YES1: variants seen among roughly 807,000 people sequenced by gnomAD.
The protein encoded by YES1 is tyrosine-protein kinase Yes.
Under a neutral mutation model 70.4 loss-of-function variants are expected in YES1, and 39 were observed. The observed-to-expected ratio is 0.55, with a 90% CI of 0.43 to 0.72. The LOEUF is 0.72. Ranked by LOEUF, YES1 falls within the 30% of genes least tolerant of loss-of-function variation. The probability of loss-of-function intolerance (pLI) is 0.00; values close to 1 mark genes in which losing one functional copy is unlikely to be tolerated. For synonymous variants in YES1, 198 were observed against 218.6 expected, an observed-to-expected ratio of 0.91 and a Z score of 0.83; for missense variants, 495 against 644.8, an observed-to-expected ratio of 0.77 and a Z score of 2.52.
At chr18:783,100 G>T (rs527554846) in intron 1 of YES1, among the ~76,000 whole-genome samples, 1 of 151,748 alleles carries the variant, frequency 6.6e-6, no homozygotes, top group Non-Finnish European at 1.5e-5. Context: ...AAATTATATA[G>T]CCACTAGGTT....
intron 1 of YES1, among the ~76,000 whole-genome samples, chr18:803,305 C>G (rs1034532379): frequency 6.6e-6 from 1 of 152,140 alleles, no homozygotes; most frequent in Non-Finnish European, 1.5e-5. Flanking sequence ...TTCAAAGATT[C>G]AAGTCAAATG....
At chr18:806,938 T>C (rs1025694282) in intron 1 of YES1, among the ~76,000 whole-genome samples, 1 of 152,186 alleles carries the variant, frequency 6.6e-6, no homozygotes, top group African/African-American at 2.4e-5. Context: ...GTCAAAGGAA[T>C]ATCTCCAGAT....
intron 1 of YES1, chr18:797,866 GAT>G (rs769180619): frequency 1.3e-5 from 2 of 152,164 alleles, no homozygotes; most frequent in Non-Finnish European, 2.9e-5. Flanking sequence ...AGAACCTTGA[GAT>G]ATAATTCTTC....
chr18:759,790 A>G (rs2145749181), intron 1 of YES1, among the ~76,000 whole-genome samples: 1 of 152,116 alleles, frequency 6.6e-6, no homozygotes, highest in South Asian at 2.1e-4. Context: ...TACATGTGCC[A>G]TGTTGGTGTG....
At position 771,642 on chromosome 18, in the gene YES1, G is replaced by A. The variant is rs576446348; in HGVS notation, c.-8-14807C>T. The stretch of plus-strand genomic sequence containing the variant: ...CGACTCACTGAAGCCTAGACCTCCC[G>A]GTCTCAAACTATCCTCCCACCTCAG... On this transcript the variant is annotated intron_variant, in intron 1 of 11. Coordinates refer to ENST00000314574, the MANE Select transcript of YES1 (RefSeq NM_005433.4). Among the ~76,000 whole-genome samples, 28 of 152,136 alleles carry A rather than the reference G, an allele frequency of 1.8e-4. No individual in the cohort carries two copies. In the Middle Eastern group the frequency reaches 0.017, roughly 92 times the overall value.
chr18:764,037 A>G (rs374547232), intron 1 of YES1, among the ~76,000 whole-genome samples: 250 of 151,382 alleles, frequency 1.7e-3, no homozygotes, highest in African/African-American at 4.5e-3. Context: ...GGAGAATGGC[A>G]TGAACCCGGG....
intron 1 of YES1, among the ~76,000 whole-genome samples, chr18:769,839 T>C (rs1905077234): frequency 6.6e-6 from 1 of 152,218 alleles, no homozygotes; most frequent in South Asian, 2.1e-4. Context: ...TAAATATTTT[T>C]GTCTATGGTC....
At chr18:788,919 T>C (rs543003016) in intron 1 of YES1, among the ~76,000 whole-genome samples, 3 of 152,244 alleles carry the variant, frequency 2.0e-5, no homozygotes, top group South Asian at 4.1e-4. Flanking sequence ...GAGTTAAAGA[T>C]TGTCTCAAAC....
intron 2 of YES1, among the ~76,000 whole-genome samples, chr18:754,650 T>A (rs2080383046): frequency 6.6e-6 from 1 of 150,834 alleles, no homozygotes; most frequent in Non-Finnish European, 1.5e-5. Context: ...GGCAGAAGGT[T>A]GCAGTGAGCC....
intron 4 of YES1, 77 bp from the exon 5 acceptor site, chr18:746,128 A>G: frequency 1.9e-6 from 2 of 1,073,600 alleles, no homozygotes; most frequent in South Asian, 2.8e-5. Context: ...GTAAGAATGG[A>G]CTGGGATAGG....
intron 10 of YES1, among the ~76,000 whole-genome samples, chr18:733,185 A>G (rs927852031): frequency 2.0e-5 from 3 of 152,176 alleles, no homozygotes; most frequent in African/African-American, 4.8e-5. Flanking sequence ...GATATAAAAA[A>G]TAAGTTGGCT....
chr18:774,963 C>G (rs1905305099), intron 1 of YES1: 1 of 152,282 alleles, frequency 6.6e-6, no homozygotes, highest in African/African-American at 2.4e-5. Flanking sequence ...ACAGACCAAG[C>G]ATACTCCCAG....
Position 767,812 on chromosome 18 carries a change from T to C in YES1, c.-8-10977A>G, listed in dbSNP as rs535897454. ...ATCTCCTGGGTTCAAGTGATTCTCC[T>C]GCCTCAGCTTCCCAAGTAGCTGGGA... On this transcript the variant is annotated intron_variant, in intron 1 of 11. Coordinates refer to ENST00000314574, the MANE Select transcript of YES1 (RefSeq NM_005433.4). Among the ~76,000 whole-genome samples, 236 of 152,296 alleles carry C rather than the reference T, an allele frequency of 1.5e-3. 1 individual carries two copies. The highest frequency in any genetic ancestry group is 2.9e-3 in the Non-Finnish European group (199 of 68,012).
chr18:796,511 G>A (rs1906551808), intron 1 of YES1, among the ~76,000 whole-genome samples: 1 of 152,112 alleles, frequency 6.6e-6, no homozygotes, highest in African/African-American at 2.4e-5. Flanking sequence ...GGCTCACGCT[G>A]GTAATCTCAG....
chr18:735,939 G>A (rs1267796409), intron 10 of YES1: 1 of 152,500 alleles, frequency 6.6e-6, no homozygotes, highest in Non-Finnish European at 1.5e-5. Flanking sequence ...GGGAAGCCAA[G>A]GCAGGAGGAC....
At chr18:764,799 C>A (rs1904785129) in intron 1 of YES1, among the ~76,000 whole-genome samples, 1 of 151,948 alleles carries the variant, frequency 6.6e-6, no homozygotes, top group Admixed American at 6.6e-5. Flanking sequence ...GTGGCGCGAT[C>A]TCGACTCACT....
At chr18:804,220 A>G (rs1049521323) in intron 1 of YES1, among the ~76,000 whole-genome samples, 5 of 152,254 alleles carry the variant, frequency 3.3e-5, no homozygotes, top group Admixed American at 2.0e-4. Context: ...ATAATGTTGC[A>G]AAGTTTTTAT....
rs111542039 is a variant in YES1 at position 812,169 on chromosome 18, G to A, written c.-64C>T. ...TGCTACCGCAGCTCGAGGTGGCGGA[G>A]GGCGGAGGCGAGGCCCGCGGGCCCT... On this transcript the variant is annotated 5_prime_UTR_variant, in exon 1 of 12. Transcript: ENST00000314574. 14,916 of 152,692 alleles carry A rather than the reference G, an allele frequency of 0.098. 925 individuals carry two copies. Among genetic ancestry groups the A allele is most frequent in the Admixed American group, 0.21 (3,213 of 15,286 alleles). The allele number at this position is 152,692 out of a possible 1,614,324, so 9.5% of individuals were successfully genotyped here. A position where few individuals can be genotyped will look rare whatever the true frequency, so the allele number is the denominator to read the frequency against.
intron 1 of YES1, among the ~76,000 whole-genome samples, chr18:767,151 A>C (rs1157697108): frequency 6.6e-6 from 1 of 152,168 alleles, no homozygotes; most frequent in Non-Finnish European, 1.5e-5. Flanking sequence ...TAATAGTCTT[A>C]CATTCAAAAA....
Sources: allele counts gnomAD v4.1 joint callset (sites outside exome capture counted in the v4.1 genomes callset), GRCh38; gene constraint gnomAD v4.1.1; transcripts MANE v1.5; gene names NCBI Gene and HGNC (gene_info 2026-07-23, HGNC 2026-07-21).